Variants in MAGED1 observed in about 807,000 individuals in gnomAD.
MAGED1 encodes MAGE family member D1.
MAGED1 carries 3 observed loss-of-function variants against 54.1 expected under a neutral mutation model. The ratio of observed to expected loss-of-function variants is 0.06; its 90% confidence interval spans 0.03 to 0.14. The LOEUF (loss-of-function observed/expected upper bound fraction) is 0.14. MAGED1 is among the 10% of genes least tolerant of loss of function. The probability of loss-of-function intolerance (pLI) is 1.00; values close to 1 mark genes in which losing one functional copy is unlikely to be tolerated. For missense variants in MAGED1, 485 were observed against 623.4 expected (o/e 0.78, Z 2.36); for synonymous variants, 217 against 227.3 (o/e 0.95, Z 0.41).
intron 1 of MAGED1, among the ~76,000 whole-genome samples, chrX:51,850,213 G>A (rs1395551275): frequency 8.9e-6 from 1 of 111,740 alleles, no homozygotes; most frequent in Non-Finnish European, 1.9e-5. Flanking sequence ...GAGGCACTGC[G>A]CCCGGCCTGA....
intron 1 of MAGED1, among the ~76,000 whole-genome samples, chrX:51,840,223 G>A (rs782470401): frequency 3.2e-4 from 36 of 110,827 alleles, no homozygotes; most frequent in Admixed American, 1.3e-3. Context: ...CATAAGATAG[G>A]TTATTTATAT....
chrX:51,860,610 C>T (rs983456508), intron 1 of MAGED1, among the ~76,000 whole-genome samples: 4 of 111,016 alleles, frequency 3.6e-5, no homozygotes, highest in Admixed American at 9.6e-5. Flanking sequence ...GTAGGTAGTC[C>T]GGAATTCATT....
chrX:51,809,966 C>T (rs1925163362), intron 1 of MAGED1, among the ~76,000 whole-genome samples: 1 of 111,808 alleles, frequency 8.9e-6, no homozygotes, highest in Non-Finnish European at 1.9e-5. Context: ...GCTGCCGCTG[C>T]TGCTTTTTTT....
Position 51,896,696 on chromosome X carries a change from A to G in MAGED1, c.1041A>G (p.Pro347=). 1 of 1,212,028 alleles carries G rather than the reference A, an allele frequency of 8.3e-7. No individual in the cohort carries two copies. ...AGAACCCAGTGATTTGGCCAAACCC[A>G]GTAATCTGGCAGAACCCAGTGATCT... ...AWQNPVIWPN[P]VIWQNPVIWP... The change falls in exon 4 of 13, where the codon CCA becomes CCG. Residue 347 remains proline, a synonymous_variant. Coordinates refer to ENST00000326587, the MANE Select transcript of MAGED1 (RefSeq NM_006986.4).
At chrX:51,870,570 T>G (rs1480255020) in intron 1 of MAGED1, 1 of 112,372 alleles carries the variant, frequency 8.9e-6, no homozygotes, top group Non-Finnish European at 1.9e-5. Context: ...GAGTTGTAAT[T>G]TCCTGTTGGT....
At chrX:51,886,971 G>A (rs781835845) in intron 1 of MAGED1, among the ~76,000 whole-genome samples, 37 of 109,407 alleles carry the variant, frequency 3.4e-4, no homozygotes, top group Non-Finnish European at 5.3e-4. Context: ...TGGGAGGATC[G>A]CTTGAGCCCA....
intron 1 of MAGED1, among the ~76,000 whole-genome samples, chrX:51,873,740 G>A (rs1463921220): frequency 5.4e-5 from 6 of 110,797 alleles, no homozygotes; most frequent in South Asian, 3.9e-4. Context: ...ATATTTTTTT[G>A]TTCCTTGGTC....
chrX:51,834,684 T>TTA (rs1289913504), intron 1 of MAGED1, among the ~76,000 whole-genome samples: 5 of 111,746 alleles, frequency 4.5e-5, no homozygotes, highest in Non-Finnish European at 7.5e-5. Context: ...GGATTCCTTG[T>TTA]TAGTGTTGCA....
At chrX:51,823,212 T>C (rs950252835) in intron 1 of MAGED1, among the ~76,000 whole-genome samples, 4 of 111,679 alleles carry the variant, frequency 3.6e-5, no homozygotes, top group Non-Finnish European at 7.5e-5. Context: ...CTGATTGTTT[T>C]TATCTGTTAT....
chrX:51,832,269 A>G (rs183693194), intron 1 of MAGED1, among the ~76,000 whole-genome samples: 1 of 111,404 alleles, frequency 9.0e-6, no homozygotes, highest in African/African-American at 3.3e-5. Context: ...CGCTCAAGGG[A>G]TCTGCCCACC....
chrX:51,878,316 A>G (rs1228881823), intron 1 of MAGED1, among the ~76,000 whole-genome samples: 1 of 111,432 alleles, frequency 9.0e-6, no homozygotes. Context: ...AATCTATTTA[A>G]GTCTGTAAGA....
At chrX:51,805,793 A>G (rs936502307) in intron 1 of MAGED1, among the ~76,000 whole-genome samples, 1 of 108,351 alleles carries the variant, frequency 9.2e-6, no homozygotes, top group African/African-American at 3.4e-5. Flanking sequence ...CCATCCATCC[A>G]TCCATCCGTC....
intron 1 of MAGED1, among the ~76,000 whole-genome samples, chrX:51,839,381 T>G (rs1926371465): frequency 8.9e-6 from 1 of 111,908 alleles, no homozygotes; most frequent in African/African-American, 3.2e-5. Context: ...TCCTGTCCTA[T>G]GTGTACAGAA....
intron 10 of MAGED1, 77 bp downstream of exon 10, chrX:51,898,720 T>A (rs1928874314): frequency 1.0e-6 from 1 of 953,150 alleles, no homozygotes. Context: ...AAGCCCTTCC[T>A]GGCTGGATAC....
At chrX:51,868,977 A>G (rs1569555878) in intron 1 of MAGED1, among the ~76,000 whole-genome samples, 1 of 112,027 alleles carries the variant, frequency 8.9e-6, no homozygotes, top group East Asian at 2.8e-4. Flanking sequence ...TGAATAAAGT[A>G]TATGATGGGA....
chrX:51,844,390 C>T (rs975745187), intron 1 of MAGED1, among the ~76,000 whole-genome samples: 2 of 111,938 alleles, frequency 1.8e-5, no homozygotes, highest in Non-Finnish European at 3.8e-5. Flanking sequence ...AGCTTCTTCT[C>T]GATGCTCATT....
chrX:51,828,167 C>G (rs1174499921), intron 1 of MAGED1, among the ~76,000 whole-genome samples: 1 of 110,742 alleles, frequency 9.0e-6, no homozygotes, highest in African/African-American at 3.3e-5. Context: ...TAGTGGTTAC[C>G]CTAGTTTTCA....
intron 1 of MAGED1, among the ~76,000 whole-genome samples, chrX:51,848,269 A>G (rs1284186056): frequency 9.0e-6 from 1 of 110,922 alleles, no homozygotes; most frequent in African/African-American, 3.3e-5. Context: ...TATACAATGG[A>G]TATTTATGTT....
At chrX:51,804,928 C>T (rs966312224) in intron 1 of MAGED1, among the ~76,000 whole-genome samples, 3 of 111,513 alleles carry the variant, frequency 2.7e-5, no homozygotes, top group South Asian at 7.6e-4. Flanking sequence ...TCCTAACCCG[C>T]GGCCACCTTC....
Sources: allele counts gnomAD v4.1 joint callset (sites outside exome capture counted in the v4.1 genomes callset), GRCh38; gene constraint gnomAD v4.1.1; transcripts MANE v1.5; gene names NCBI Gene and HGNC (gene_info 2026-07-23, HGNC 2026-07-21).